Variants in APBB2 observed in about 807,000 individuals in gnomAD.
APBB2 encodes the protein amyloid beta precursor protein binding family B member 2.
A neutral mutation model predicts 82.5 loss-of-function variants in APBB2; 38 were observed. The observed-to-expected ratio is 0.46, with a 90% CI of 0.36 to 0.60. The LOEUF is 0.60. APBB2 is among the 20% of genes least tolerant of loss of function. The probability of loss-of-function intolerance (pLI) is 0.00; values close to 1 mark genes in which losing one functional copy is unlikely to be tolerated. For missense variants in APBB2, 772 were observed against 972.3 expected, an observed-to-expected ratio of 0.79 and a Z score of 2.74; for synonymous variants, 341 against 368.2, an observed-to-expected ratio of 0.93 and a Z score of 0.85.
chr4:40,991,415 G>A (rs565313718), intron 6 of APBB2, among the ~76,000 whole-genome samples: 2 of 151,882 alleles, frequency 1.3e-5, no homozygotes, highest in East Asian at 3.9e-4. Flanking sequence ...CACCCCTTAC[G>A]ATAACCTATT....
intron 6 of APBB2, among the ~76,000 whole-genome samples, chr4:40,973,623 A>C (rs1171083595): frequency 6.6e-6 from 1 of 152,202 alleles, no homozygotes; most frequent in Non-Finnish European, 1.5e-5. Flanking sequence ...CTATCGTTCC[A>C]TAGTTTTGAA....
chr4:41,195,600 G>A, intron 1 of APBB2, among the ~76,000 whole-genome samples: 3 of 152,172 alleles, frequency 2.0e-5, no homozygotes, highest in Non-Finnish European at 4.4e-5. Context: ...CTCATAAAAT[G>A]TAAGTTAGAT....
chr4:40,918,557 T>G (rs1411202372), intron 10 of APBB2, among the ~76,000 whole-genome samples: 2 of 152,226 alleles, frequency 1.3e-5, no homozygotes, highest in African/African-American at 4.8e-5. Flanking sequence ...TTTTTGGCAG[T>G]CCTTGTCACT....
At chr4:40,893,101 C>G in intron 11 of APBB2, 164 bp downstream of exon 11, 1 of 728,888 alleles carries the variant, frequency 1.4e-6, no homozygotes, top group Non-Finnish European at 2.2e-6. Context: ...GCTAAGGGAT[C>G]AGTCACACGG....
At chr4:40,847,249 G>A (rs1757940308) in intron 12 of APBB2, among the ~76,000 whole-genome samples, 1 of 151,998 alleles carries the variant, frequency 6.6e-6, no homozygotes, top group Admixed American at 6.6e-5. Context: ...GATTACTTGA[G>A]GCCAGGAGTT....
chr4:40,881,735 T>C (rs1768669555), intron 12 of APBB2, among the ~76,000 whole-genome samples: 1 of 151,870 alleles, frequency 6.6e-6, no homozygotes, highest in South Asian at 2.1e-4. Context: ...GGTTTCACCA[T>C]GTTGGCCAGT....
intron 15 of APBB2, among the ~76,000 whole-genome samples, chr4:40,825,440 CT>C (rs930905688): frequency 6.6e-6 from 1 of 152,254 alleles, no homozygotes; most frequent in African/African-American, 2.4e-5. Flanking sequence ...CACTCTGCCC[CT>C]GGCATGTGAG....
intron 6 of APBB2, among the ~76,000 whole-genome samples, chr4:40,982,283 AAGGAAGGAAGGAAGGAAGG>A (rs1798889891): frequency 1.0e-4 from 3 of 29,474 alleles, no homozygotes; most frequent in African/African-American, 6.0e-4. Flanking sequence ...AGAAAGAAAG[AAGGAAGGAAGGAAGGAAGG>A]AAGGAAAGAA....
chr4:41,157,419 A>G (rs1763753329), intron 1 of APBB2, among the ~76,000 whole-genome samples: 2 of 152,202 alleles, frequency 1.3e-5, no homozygotes, highest in Non-Finnish European at 2.9e-5. Context: ...ATTGAACTAG[A>G]GCGAAAGAAG....
chr4:40,981,270 G>C (rs1004459279), intron 6 of APBB2, among the ~76,000 whole-genome samples: 1 of 151,982 alleles, frequency 6.6e-6, no homozygotes, highest in African/African-American at 2.4e-5. Context: ...GGGTGTGGTA[G>C]CACACGACTG....
At chr4:40,937,521 C>T (rs1170391293) in intron 7 of APBB2, among the ~76,000 whole-genome samples, 1 of 152,142 alleles carries the variant, frequency 6.6e-6, no homozygotes, top group Non-Finnish European at 1.5e-5. Flanking sequence ...CCAACAATCA[C>T]CTTTTACAGA....
rs537409005 is a variant in APBB2 at position 41,124,718 on chromosome 4, G to A, written c.-261+18269C>T. Among the ~76,000 whole-genome samples, 5 of 152,260 alleles carry A rather than the reference G, an allele frequency of 3.3e-5. No individual in the cohort carries two copies. The South Asian group carries it at 1.0e-3, about 32-fold the overall frequency. On this transcript the variant is annotated intron_variant, in intron 2 of 17. Coordinates refer to ENST00000508593, the MANE Select transcript of APBB2 (RefSeq NM_004307.2). ...ACAACTGATTAAACATGGAATAAAT[G>A]CATTTGTTATAATTGGCTGGAAAAA... is the stretch of plus-strand genomic sequence containing the variant.
chr4:40,979,484 T>C (rs1483916490), intron 6 of APBB2, among the ~76,000 whole-genome samples: 1 of 152,234 alleles, frequency 6.6e-6, no homozygotes, highest in African/African-American at 2.4e-5. Flanking sequence ...CAAAGGATTT[T>C]ACATATTTAA....
At chr4:40,930,959 A>G (rs1784089752) in intron 10 of APBB2, among the ~76,000 whole-genome samples, 1 of 152,116 alleles carries the variant, frequency 6.6e-6, no homozygotes, top group African/African-American at 2.4e-5. Flanking sequence ...GTGTTAGCCC[A>G]GATGGTCTCG....
chr4:41,120,245 T>C (rs1752401791), intron 2 of APBB2, among the ~76,000 whole-genome samples: 1 of 152,180 alleles, frequency 6.6e-6, no homozygotes, highest in African/African-American at 2.4e-5. Context: ...GGTTCTCTCT[T>C]TCTCTGCAGG....
chr4:40,845,604 A>C (rs1214234279), intron 12 of APBB2, among the ~76,000 whole-genome samples: 1 of 149,890 alleles, frequency 6.7e-6, no homozygotes, highest in East Asian at 1.9e-4. Flanking sequence ...AAAAAAAAAA[A>C]AAAAAAAAAA....
chr4:40,894,092 T>C (rs1033243674), intron 10 of APBB2, among the ~76,000 whole-genome samples: 5 of 151,158 alleles, frequency 3.3e-5, no homozygotes, highest in African/African-American at 1.2e-4. Flanking sequence ...ATCGAGACCA[T>C]CCCGGCTAAC....
intron 3 of APBB2, among the ~76,000 whole-genome samples, chr4:41,095,345 G>T (rs897159036): frequency 6.6e-6 from 1 of 152,210 alleles, no homozygotes; most frequent in African/African-American, 2.4e-5. Flanking sequence ...TGCAGTCCCA[G>T]ATCTATCATT....
chr4:41,103,266 T>C (rs562337364), intron 2 of APBB2, among the ~76,000 whole-genome samples: 24 of 152,312 alleles, frequency 1.6e-4, no homozygotes, highest in African/African-American at 5.8e-4. Flanking sequence ...CAGGACCATT[T>C]TGGACAGATC....
Sources: gnomAD v4.1 joint callset for allele counts (sites outside exome capture counted in the v4.1 genomes callset) on GRCh38, gnomAD v4.1.1 for gene constraint, MANE v1.5 for transcripts, NCBI Gene and HGNC (gene_info 2026-07-23, HGNC 2026-07-21) for gene names.